Variants in SLC39A11 observed in about 807,000 individuals in gnomAD.
SLC39A11 encodes solute carrier family 39 member 11, also known as zinc transporter ZIP11.
A neutral mutation model predicts 36.1 loss-of-function variants in SLC39A11; 33 were observed. That is an observed-to-expected ratio of 0.91 (90% confidence interval 0.69 to 1.22). The LOEUF is 1.22. SLC39A11 is among the 50% of genes most tolerant of loss of function. The pLI, the probability that SLC39A11 is intolerant of heterozygous loss-of-function variation, is 0.00. For missense variants in SLC39A11, 432 were observed against 430.3 expected, an observed-to-expected ratio of 1.00 and a Z score of -0.03; for synonymous variants, 166 against 170.3, an observed-to-expected ratio of 0.97 and a Z score of 0.20.
intron 6 of SLC39A11, among the ~76,000 whole-genome samples, chr17:72,746,328 ACGTTGAGGGGT>A (rs993158696): frequency 4.6e-5 from 7 of 152,108 alleles, no homozygotes; most frequent in African/African-American, 1.7e-4. Context: ...AAAAATAACC[ACGTTGAGGGGT>A]CAGGTGTGAT....
At chr17:72,838,023 C>T (rs1056418616) in intron 6 of SLC39A11, 17 of 1,222,622 alleles carry the variant, frequency 1.4e-5, no homozygotes, top group African/African-American at 4.7e-5. Context: ...GTGGCTTACA[C>T]CTATAATCTC....
rs139306688 is a variant in SLC39A11 at position 72,959,548 on chromosome 17, C to G, written c.307-11673G>C. ...ACACAAAGGCATAAGGATGATACAA[C>G]GGACTTTGGGAACTTGGGGGGAAGG... On this transcript the variant is annotated intron_variant, in intron 4 of 9. Transcript: ENST00000255559. Among the ~76,000 whole-genome samples the G allele has an allele frequency of 5.8e-3, 883 of 151,258 alleles. 9 individuals are homozygous for G. The highest frequency in any genetic ancestry group is 0.02 in the African/African-American group (814 of 41,226).
intron 3 of SLC39A11, among the ~76,000 whole-genome samples, chr17:73,047,966 C>CAAAA (rs1165334910): frequency 7.3e-4 from 15 of 20,490 alleles, no homozygotes; most frequent in Admixed American, 1.4e-3. Context: ...GACTCCATCT[C>CAAAA]AAAAAAAAAA....
intron 6 of SLC39A11, among the ~76,000 whole-genome samples, chr17:72,848,588 G>T (rs2079155714): frequency 6.6e-6 from 1 of 152,012 alleles, no homozygotes; most frequent in East Asian, 1.9e-4. Flanking sequence ...AGGCATGGTG[G>T]TGCACACCTG....
At chr17:73,081,670 C>CATATATGTATATATGTACGT (rs1568242944) in intron 3 of SLC39A11, among the ~76,000 whole-genome samples, 1 of 82,206 alleles carries the variant, frequency 1.2e-5, no homozygotes, top group Admixed American at 1.5e-4. Context: ...CACACACACA[C>CATATATGTATATATGTACGT]ATATATATAC....
At chr17:72,749,082 A>T (rs2075051748) in intron 6 of SLC39A11, among the ~76,000 whole-genome samples, 1 of 152,238 alleles carries the variant, frequency 6.6e-6, no homozygotes, top group African/African-American at 2.4e-5. Flanking sequence ...GCAAAGAGGC[A>T]GGTGAGGTAG....
intron 5 of SLC39A11, among the ~76,000 whole-genome samples, chr17:72,925,712 G>A (rs8070810): frequency 0.13 from 19,284 of 152,144 alleles, 2,401 homozygotes; most frequent in African/African-American, 0.33. Context: ...AATGTGAATG[G>A]ATGTGAACAC....
At chr17:72,793,342 G>A (rs1417970719) in intron 6 of SLC39A11, among the ~76,000 whole-genome samples, 1 of 152,158 alleles carries the variant, frequency 6.6e-6, no homozygotes. Context: ...TCCTAGAGCT[G>A]AGAAAGCATT....
intron 7 of SLC39A11, among the ~76,000 whole-genome samples, chr17:72,694,475 T>C (rs534529808): frequency 3.3e-5 from 5 of 152,224 alleles, no homozygotes; most frequent in Non-Finnish European, 5.9e-5. Context: ...GATACCCGGA[T>C]CTCAGCTGCT....
At chr17:72,753,614 T>C in intron 6 of SLC39A11, among the ~76,000 whole-genome samples, 1 of 152,134 alleles carries the variant, frequency 6.6e-6, no homozygotes, top group East Asian at 1.9e-4. Flanking sequence ...GAGTAGGTTG[T>C]CCTACTTACT....
chr17:72,669,348 G>A (rs1172698933), intron 7 of SLC39A11, among the ~76,000 whole-genome samples: 2 of 152,174 alleles, frequency 1.3e-5, no homozygotes, highest in Non-Finnish European at 2.9e-5. Flanking sequence ...GGGATCCCAT[G>A]TTGCATTTAG....
chr17:72,768,457 G>C (rs1272063807), intron 6 of SLC39A11, among the ~76,000 whole-genome samples: 1 of 152,168 alleles, frequency 6.6e-6, no homozygotes, highest in Non-Finnish European at 1.5e-5. Context: ...AGTTTCAATG[G>C]CACAGGGCAC....
chr17:72,711,351 G>T (rs906799177), intron 7 of SLC39A11, among the ~76,000 whole-genome samples: 1 of 152,200 alleles, frequency 6.6e-6, no homozygotes, highest in Admixed American at 6.5e-5. Context: ...GGTCCTTAAA[G>T]GGGGGAAGTG....
At chr17:72,753,889 CA>C (rs35076559) in intron 6 of SLC39A11, among the ~76,000 whole-genome samples, 6,232 of 51,784 alleles carry the variant, frequency 0.12, 238 homozygotes, top group African/African-American at 0.3. Flanking sequence ...AGTCATTATA[CA>C]AAAAAAAAAA....
At chr17:72,853,364 A>G (rs9912481) in intron 5 of SLC39A11, among the ~76,000 whole-genome samples, 79,069 of 151,656 alleles carry the variant, frequency 0.52, 21,109 homozygotes, top group Middle Eastern at 0.58. Context: ...GGGCAGACAG[A>G]GAAGACACAC....
intron 6 of SLC39A11, among the ~76,000 whole-genome samples, chr17:72,754,401 C>T (rs1190993522): frequency 6.6e-6 from 1 of 152,016 alleles, no homozygotes; most frequent in African/African-American, 2.4e-5. Flanking sequence ...AAAGAACTTA[C>T]TCATGTAACC....
At chr17:73,019,002 A>G (rs1405471586) in intron 4 of SLC39A11, among the ~76,000 whole-genome samples, 2 of 152,222 alleles carry the variant, frequency 1.3e-5, no homozygotes, top group South Asian at 2.1e-4. Flanking sequence ...CAGAAACAAC[A>G]TAAGCCAGAG....
intron 6 of SLC39A11, among the ~76,000 whole-genome samples, chr17:72,818,496 G>A (rs2077659211): frequency 6.6e-6 from 1 of 152,228 alleles, no homozygotes; most frequent in Non-Finnish European, 1.5e-5. Context: ...TAGGAGGTAA[G>A]CAGTGACTAT....
chr17:72,847,228 C>A (rs1035151718), intron 6 of SLC39A11, among the ~76,000 whole-genome samples: 1 of 152,058 alleles, frequency 6.6e-6, no homozygotes, highest in African/African-American at 2.4e-5. Flanking sequence ...CATGGTGAAA[C>A]CCCGTCTCTT....
Sources: allele counts gnomAD v4.1 joint callset (sites outside exome capture counted in the v4.1 genomes callset), GRCh38; gene constraint gnomAD v4.1.1; transcripts MANE v1.5; gene names NCBI Gene and HGNC (gene_info 2026-07-23, HGNC 2026-07-21).